CFTR: variants seen among roughly 807,000 people sequenced by gnomAD.
The protein encoded by CFTR is cystic fibrosis transmembrane conductance regulator.
In CFTR, 181 loss-of-function variants were observed where a neutral mutation model predicts 171.6. That is an observed-to-expected ratio of 1.05 (90% confidence interval 0.93 to 1.19). The LOEUF (loss-of-function observed/expected upper bound fraction) is 1.19. CFTR is among the 50% of genes most tolerant of loss of function. The pLI is 0.00. For missense variants in CFTR, 1,968 were observed against 1,734.7 expected, an observed-to-expected ratio of 1.13 and a Z score of -2.39; for synonymous variants, 583 against 608.0, an observed-to-expected ratio of 0.96 and a Z score of 0.60.
chr7:117,505,019 G>C (rs1798392148), intron 2 of CFTR, among the ~76,000 whole-genome samples: 1 of 151,936 alleles, frequency 6.6e-6, no homozygotes, highest in Non-Finnish European at 1.5e-5. Context: ...GTACTCCCTG[G>C]GAAGTCTTAA....
Position 117,480,960 on chromosome 7 carries a change from TC to T in CFTR, c.53+815del, listed in dbSNP as rs567310313. Among the ~76,000 whole-genome samples, 232 of 152,332 alleles carry T rather than the reference TC, an allele frequency of 1.5e-3. 3 individuals carry two copies. The highest frequency in any genetic ancestry group is 0.013 in the Admixed American group (194 of 15,304). On this transcript the variant is annotated intron_variant, in intron 1 of 26. Transcript: ENST00000003084. Reference sequence around the variant, plus strand: ...TCTTTGGATATTGCATCTACTTTGTTCCTGTTATTATACTGGTGTGAATGAA... The same window carrying T: ...TCTTTGGATATTGCATCTACTTTGTTCTGTTATTATACTGGTGTGAATGAA...
intron 1 of CFTR, among the ~76,000 whole-genome samples, chr7:117,484,456 A>G (rs1798042160): frequency 6.6e-6 from 1 of 152,170 alleles, no homozygotes; most frequent in African/African-American, 2.4e-5. Context: ...CCTCTGGGAT[A>G]GGAGCCCTTC....
chr7:117,523,041 C>T (rs766019599), intron 3 of CFTR, among the ~76,000 whole-genome samples: 36 of 152,028 alleles, frequency 2.4e-4, no homozygotes, highest in African/African-American at 7.5e-4. Flanking sequence ...TTTTTCATAC[C>T]GAAAATAAAC....
intron 1 of CFTR, among the ~76,000 whole-genome samples, chr7:117,501,747 C>CAAAAAAAAAAAAAAAAA (rs1212853305): frequency 7.1e-4 from 31 of 43,826 alleles, no homozygotes; most frequent in Non-Finnish European, 1.1e-3. Flanking sequence ...AACTCTGTCT[C>CAAAAAAAAAAAAAAAAA]AAAAAAAAAA....
chr7:117,485,284 C>G (rs185138486), intron 1 of CFTR, among the ~76,000 whole-genome samples: 3 of 152,240 alleles, frequency 2.0e-5, no homozygotes, highest in Admixed American at 2.0e-4. Context: ...TTAAAAACAT[C>G]TCTGACTCAG....
intron 3 of CFTR, among the ~76,000 whole-genome samples, chr7:117,522,141 T>C (rs1479123187): frequency 6.6e-6 from 1 of 152,218 alleles, no homozygotes; most frequent in East Asian, 1.9e-4. Context: ...AGCTGTTTTC[T>C]AATCTGAGCC....
chr7:117,591,993 A>G lies in CFTR; in HGVS notation c.1826A>G (p.His609Arg), dbSNP rs397508310. Reference protein sequence around the residue: ...TRILVTSKMEHLKKADKILIL... With the variant: ...TRILVTSKMERLKKADKILIL... Reference sequence around the variant, plus strand: ...ATTTTGGTCACTTCTAAAATGGAACATTTAAAGAAAGCTGACAAAATATTA... The same window carrying G: ...ATTTTGGTCACTTCTAAAATGGAACGTTTAAAGAAAGCTGACAAAATATTA... Residue 609 changes from histidine to arginine, a missense_variant, in exon 14 of 27, where the codon CAT (histidine) becomes CGT (arginine). Transcript: ENST00000003084. 1.3e-6 allele frequency: 2 copies of G among 1,595,240 alleles called. No homozygotes were observed. Among genetic ancestry groups the G allele is most frequent in the Admixed American group, 3.7e-5 (2 of 54,760 alleles).
chr7:117,652,135 G>A (rs992420016), intron 23 of CFTR, among the ~76,000 whole-genome samples: 10 of 152,100 alleles, frequency 6.6e-5, no homozygotes, highest in African/African-American at 1.2e-4. Context: ...TTAAGTAGAC[G>A]GTGATCTGGT....
intron 24 of CFTR, among the ~76,000 whole-genome samples, chr7:117,655,550 A>T (rs1243757151): frequency 5.9e-5 from 9 of 152,116 alleles, no homozygotes; most frequent in Admixed American, 5.9e-4. Context: ...TCCTCTCTGG[A>T]GCCCTCACCA....
At chr7:117,529,703 C>T (rs1315717754) in intron 3 of CFTR, among the ~76,000 whole-genome samples, 1 of 151,924 alleles carries the variant, frequency 6.6e-6, no homozygotes, top group Non-Finnish European at 1.5e-5. Flanking sequence ...GCATGGTCAT[C>T]TATTGAGAAT....
At chr7:117,552,082 A>T (rs1002596310) in intron 10 of CFTR, among the ~76,000 whole-genome samples, 1 of 151,976 alleles carries the variant, frequency 6.6e-6, no homozygotes, top group African/African-American at 2.4e-5. Context: ...ATATACACAC[A>T]CACATATATA....
In CFTR at chr7:117,627,605, T is replaced by A. The variant is rs1328494831; in HGVS notation, c.3552T>A (p.Asn1184Lys). The stretch of plus-strand genomic sequence containing the variant: ...CCAAGTCAACCAAACCATACAAGAA[T>A]GGCCAACTCTCGAAAGTTATGATTA... ...KPTKSTKPYK[N>K]GQLSKVMIIE... Residue 1184 changes from asparagine to lysine, a missense_variant, in exon 22 of 27, where the codon AAT (asparagine) becomes AAA (lysine). Transcript: ENST00000003084. 6.2e-7 allele frequency: 1 copy of A among 1,613,480 alleles called. No homozygotes were observed.
chr7:117,648,069 G>GTATA (rs5886870), intron 23 of CFTR, among the ~76,000 whole-genome samples: 161 of 144,530 alleles, frequency 1.1e-3, no homozygotes, highest in African/African-American at 3.4e-3. Flanking sequence ...ATGTATATAT[G>GTATA]TATATATATA....
chr7:117,523,075 C>T (rs1798709042), intron 3 of CFTR, among the ~76,000 whole-genome samples: 1 of 152,026 alleles, frequency 6.6e-6, no homozygotes, highest in Admixed American at 6.6e-5. Context: ...GTAAACATGC[C>T]CTTCCAGAGT....
rs1584821629 is a variant in CFTR at position 117,610,590 on chromosome 7, G to A, written c.3060G>A (p.Val1020=). ...AACCCTACATCTTTGTTGCAACAGT[G>A]CCAGTGATAGTGGCTTTTATTATGT... ...VLQPYIFVAT[V]PVIVAFIMLR... is the part of the protein sequence containing the mutation. The change falls in exon 19 of 27, where the codon GTG becomes GTA. Residue 1020 remains valine, a synonymous_variant. Coordinates refer to ENST00000003084, the MANE Select transcript of CFTR (RefSeq NM_000492.4). The A allele has an allele frequency of 3.7e-6, 6 of 1,613,464 alleles. No individual in the cohort carries two copies. The highest frequency in any genetic ancestry group is 5.1e-6 in the Non-Finnish European group (6 of 1,179,618).
chr7:117,548,557 A>T (rs1381224795), intron 9 of CFTR, 84 bp from the exon 10 acceptor site: 4 of 1,556,198 alleles, frequency 2.6e-6, no homozygotes, highest in Non-Finnish European at 2.6e-6. Context: ...AATTGTACAT[A>T]AAACAAGCAT....
At chr7:117,597,159 T>C (rs1314641610) in intron 15 of CFTR, among the ~76,000 whole-genome samples, 1 of 152,190 alleles carries the variant, frequency 6.6e-6, no homozygotes, top group Non-Finnish European at 1.5e-5. Flanking sequence ...ACTTTTTGGG[T>C]CCGCATTGCG....
chr7:117,638,564 T>C lies in CFTR; in HGVS notation c.3718-3874T>C, dbSNP rs1232805132. Reference sequence around the variant, plus strand: ...CAGCCTGGTCAACATGGTAAAACCCTGTGCCTGCAAAAAATACAAAAATTA... The same window carrying C: ...CAGCCTGGTCAACATGGTAAAACCCCGTGCCTGCAAAAAATACAAAAATTA... On this transcript the variant is annotated intron_variant, in intron 22 of 26. Coordinates refer to ENST00000003084, the MANE Select transcript of CFTR (RefSeq NM_000492.4). Among the ~76,000 whole-genome samples the C allele has an allele frequency of 3.3e-5, 5 of 152,002 alleles. No homozygotes were observed. In the East Asian group the frequency reaches 7.8e-4, roughly 24 times the overall value.
rs558427718 is a variant in CFTR at position 117,591,388 on chromosome 7, T to C, written c.1767-546T>C. On this transcript the variant is annotated intron_variant, in intron 13 of 26. Coordinates refer to ENST00000003084, the MANE Select transcript of CFTR (RefSeq NM_000492.4). ...CTTCTAGAATAGATTAAAATTCTAT[T>C]TGAGGAGAGTCAAATTAATTATCGA... 3.9e-5 allele frequency among the ~76,000 whole-genome samples: 6 copies of C among 152,198 alleles called. No homozygotes were observed. In the South Asian group the frequency reaches 1.0e-3, roughly 26 times the overall value.
Sources: gnomAD v4.1 joint callset for allele counts (sites outside exome capture counted in the v4.1 genomes callset) on GRCh38, gnomAD v4.1.1 for gene constraint, MANE v1.5 for transcripts, NCBI Gene and HGNC (gene_info 2026-07-23, HGNC 2026-07-21) for gene names.